RAB27A: variants seen among roughly 807,000 people sequenced by gnomAD.
The protein encoded by RAB27A is ras-related protein Rab-27A.
RAB27A carries 17 observed loss-of-function variants against 20.8 expected under a neutral mutation model. The observed-to-expected ratio is 0.82, with a 90% CI of 0.56 to 1.23. The LOEUF (loss-of-function observed/expected upper bound fraction) is 1.23. Among genes scored for constraint, RAB27A ranks in the 50% most tolerant of loss-of-function variants. The pLI is 0.00. For synonymous variants in RAB27A, 85 were observed against 92.8 expected, an observed-to-expected ratio of 0.92 and a Z score of 0.48; for missense variants, 277 against 266.7, an observed-to-expected ratio of 1.04 and a Z score of -0.27.
chr15:55,315,546 T>TA (rs1009272167), intron 1 of RAB27A, among the ~76,000 whole-genome samples: 2 of 152,028 alleles, frequency 1.3e-5, no homozygotes, highest in Admixed American at 6.6e-5. Context: ...ACAAGGGACT[T>TA]AAACAAATTT....
At chr15:55,264,736 G>T (rs1264693456) in intron 2 of RAB27A, among the ~76,000 whole-genome samples, 1 of 152,164 alleles carries the variant, frequency 6.6e-6, no homozygotes, top group Non-Finnish European at 1.5e-5. Context: ...TACTAGTAAA[G>T]CTTGATGCCA....
intron 1 of RAB27A, among the ~76,000 whole-genome samples, chr15:55,281,512 G>C (rs1898014750): frequency 6.6e-6 from 1 of 152,126 alleles, no homozygotes; most frequent in Admixed American, 6.5e-5. Flanking sequence ...AGGAGTTCGA[G>C]ACCAGCCTGG....
intron 2 of RAB27A, among the ~76,000 whole-genome samples, chr15:55,249,932 T>C (rs942980028): frequency 6.6e-6 from 1 of 152,168 alleles, no homozygotes; most frequent in Non-Finnish European, 1.5e-5. Context: ...TTAAGAGTTC[T>C]GTAAACTTAT....
chr15:55,259,443 C>G (rs1259638142), intron 2 of RAB27A, among the ~76,000 whole-genome samples: 2 of 151,330 alleles, frequency 1.3e-5, no homozygotes, highest in African/African-American at 2.4e-5. Flanking sequence ...AGTCGCCACG[C>G]CCAGCTAATT....
intron 1 of RAB27A, among the ~76,000 whole-genome samples, chr15:55,274,853 G>C (rs1165747324): frequency 8.2e-6 from 1 of 122,564 alleles, no homozygotes; most frequent in Non-Finnish European, 1.8e-5. Context: ...CAAAACTTTA[G>C]CTAGTCTAAA....
intron 6 of RAB27A, among the ~76,000 whole-genome samples, chr15:55,223,445 G>A (rs996944264): frequency 6.6e-6 from 1 of 151,704 alleles, no homozygotes; most frequent in Non-Finnish European, 1.5e-5. Context: ...GGAGGTGGAG[G>A]TTGCAGTGAG....
intron 2 of RAB27A, among the ~76,000 whole-genome samples, chr15:55,266,847 T>A (rs567367313): frequency 6.6e-6 from 1 of 152,326 alleles, no homozygotes; most frequent in African/African-American, 2.4e-5. Flanking sequence ...ATCTCTCATG[T>A]CTGAGGGACA....
intron 3 of RAB27A, among the ~76,000 whole-genome samples, chr15:55,231,032 T>C (rs916030286): frequency 1.3e-5 from 2 of 152,142 alleles, no homozygotes; most frequent in East Asian, 3.8e-4. Flanking sequence ...TGCGTACCCA[T>C]TGTTTAGTTC....
chr15:55,210,083 T>TACGTAC (rs1894916339), intron 6 of RAB27A, among the ~76,000 whole-genome samples: 1 of 134,808 alleles, frequency 7.4e-6, no homozygotes, highest in Non-Finnish European at 1.6e-5. Context: ...TATACATATA[T>TACGTAC]ACACATATAT....
intron 2 of RAB27A, among the ~76,000 whole-genome samples, chr15:55,257,874 T>C (rs1443125212): frequency 1.3e-5 from 2 of 151,952 alleles, no homozygotes; most frequent in Non-Finnish European, 2.9e-5. Context: ...GCACCTATAA[T>C]CCCGGCTACT....
chr15:55,238,680 A>G (rs944746362), intron 2 of RAB27A, among the ~76,000 whole-genome samples: 11 of 141,626 alleles, frequency 7.8e-5, no homozygotes, highest in African/African-American at 3.5e-4. Context: ...GACTCTGGCC[A>G]GCTTAAAACA....
At chr15:55,314,776 A>G (rs890416990) in intron 1 of RAB27A, among the ~76,000 whole-genome samples, 1 of 152,202 alleles carries the variant, frequency 6.6e-6, no homozygotes, top group African/African-American at 2.4e-5. Flanking sequence ...GACACAAACA[A>G]ATGGAAAAAC....
At position 55,205,177 on chromosome 15, in the gene RAB27A, G is replaced by A; in HGVS notation, c.*330C>T. On this transcript the variant is annotated 3_prime_UTR_variant, in exon 7 of 7. Transcript: ENST00000336787. ...CCTACCTACATTAAGGCAGGTGACA[G>A]TACCCTCATTCATTCTACATAATAA... is the stretch of plus-strand genomic sequence containing the variant. 2.7e-6 allele frequency: 1 copy of A among 366,136 alleles called. No individual in the cohort carries two copies. Among genetic ancestry groups the A allele is most frequent in the African/African-American group, 2.1e-5 (1 of 47,824 alleles). 22.7% of individuals were successfully genotyped at this position (366,136 alleles called of 1,614,324 possible).
intron 2 of RAB27A, among the ~76,000 whole-genome samples, chr15:55,306,702 C>T (rs1334950762): frequency 2.6e-5 from 4 of 152,048 alleles, no homozygotes; most frequent in Admixed American, 6.6e-5. Flanking sequence ...GCGGTGAAGG[C>T]GGGGTTTCCC....
At chr15:55,304,953 G>C (rs1162359721) in intron 2 of RAB27A, among the ~76,000 whole-genome samples, 1 of 152,208 alleles carries the variant, frequency 6.6e-6, no homozygotes, top group Non-Finnish European at 1.5e-5. Context: ...GAGGGTAGCA[G>C]TTGCTGGCTG....
intron 2 of RAB27A, among the ~76,000 whole-genome samples, chr15:55,242,351 T>C (rs926828065): frequency 4.6e-5 from 7 of 152,090 alleles, no homozygotes; most frequent in African/African-American, 1.7e-4. Context: ...TAGGCTTGAG[T>C]TCAAATTCTG....
intron 2 of RAB27A, among the ~76,000 whole-genome samples, chr15:55,241,624 A>ATATATATATATATATATG (rs377301086): frequency 1.7e-5 from 2 of 117,664 alleles, no homozygotes; most frequent in Admixed American, 8.1e-5. Context: ...ATATATATAT[A>ATATATATATATATATATG]TGTGTGTATA....
chr15:55,210,215 GTGTA>G (rs1894948408), intron 6 of RAB27A, among the ~76,000 whole-genome samples: 1 of 136,400 alleles, frequency 7.3e-6, no homozygotes, highest in Non-Finnish European at 1.5e-5. Context: ...ACACATGTAT[GTGTA>G]TGTATATATA....
In RAB27A at chr15:55,210,283, T is replaced by G. The variant is rs376777372; in HGVS notation, c.468-4578A>C. ...ATCATATGGTAGTTCTATTTTTAGT[T>G]TTTTTTTTTAAGAACATCCATACTT... is the stretch of plus-strand genomic sequence containing the variant. On this transcript the variant is annotated intron_variant, in intron 6 of 6. Coordinates refer to ENST00000336787, the MANE Select transcript of RAB27A (RefSeq NM_183235.3). Among the ~76,000 whole-genome samples the G allele has an allele frequency of 1.2e-4, 17 of 146,008 alleles. No individual in the cohort carries two copies. The East Asian group carries it at 2.4e-3, about 21-fold the overall frequency.
Sources: gnomAD v4.1 joint callset for allele counts (sites outside exome capture counted in the v4.1 genomes callset) on GRCh38, gnomAD v4.1.1 for gene constraint, MANE v1.5 for transcripts, NCBI Gene and HGNC (gene_info 2026-07-23, HGNC 2026-07-21) for gene names.